Variants in KAT7 observed in about 807,000 individuals in gnomAD.
The protein encoded by KAT7 is histone acetyltransferase KAT7.
In KAT7, 10 loss-of-function variants were observed where a neutral mutation model predicts 82.1. That is an observed-to-expected ratio of 0.12 (90% confidence interval 0.08 to 0.21). KAT7 has a LOEUF of 0.21. KAT7 is among the 10% of genes least tolerant of loss of function. KAT7 has a pLI of 1.00. For missense variants in KAT7, 378 were observed against 760.9 expected (o/e 0.50, Z 5.92); for synonymous variants, 250 against 262.5 (o/e 0.95, Z 0.46).
intron 5 of KAT7, among the ~76,000 whole-genome samples, chr17:49,806,893 A>G (rs1050401279): frequency 6.6e-6 from 1 of 152,224 alleles, no homozygotes; most frequent in Non-Finnish European, 1.5e-5. Flanking sequence ...GAACATGTGC[A>G]TGGAGGATCA....
At position 49,829,481 on chromosome 17, in the gene KAT7, C is replaced by G. The variant is rs548561452; in HGVS notation, c.*1979C>G. 9 of 152,286 alleles carry G rather than the reference C, an allele frequency of 5.9e-5. No homozygotes were observed. Among genetic ancestry groups the G allele is most frequent in the African/African-American group, 1.9e-4 (8 of 41,558 alleles). The allele number at this position is 152,286 out of a possible 1,614,324, so 9.4% of individuals were successfully genotyped here. ...CCTGTAGGAGATGGGAACAGACATTCCTTCTCATCTCCAAGCTCATTCACC... is the reference window on the plus strand; with the variant it reads ...CCTGTAGGAGATGGGAACAGACATTGCTTCTCATCTCCAAGCTCATTCACC... On this transcript the variant is annotated 3_prime_UTR_variant, in exon 15 of 15. Transcript: ENST00000259021.
At chr17:49,791,530 C>T (rs1018646487) in intron 1 of KAT7, among the ~76,000 whole-genome samples, 25 of 152,232 alleles carry the variant, frequency 1.6e-4, no homozygotes, top group Middle Eastern at 3.4e-3. Flanking sequence ...TGGTGGCGGG[C>T]GCCTGTAGTC....
chr17:49,812,808 G>A lies in KAT7; in HGVS notation c.852+1234G>A, dbSNP rs376245564. On this transcript the variant is annotated intron_variant, in intron 7 of 14. Transcript: ENST00000259021. ...AACCTCTGCCTCCTGGGTTCAAGCA[G>A]TTCTCTGCCTCAGCCTCCCAAGTAG... 5.3e-4 allele frequency among the ~76,000 whole-genome samples: 81 copies of A among 151,860 alleles called. No individual in the cohort carries two copies. The East Asian group carries it at 0.015, about 28-fold the overall frequency.
At position 49,831,262 on chromosome 17, in the gene KAT7, T is replaced by A. The variant is rs1050930556; in HGVS notation, c.*3760T>A. On this transcript the variant is annotated 3_prime_UTR_variant, in exon 15 of 15. Transcript: ENST00000259021. ...CTGCACTCCAGCCTGGGTGACAGAG[T>A]GAGACCCTGTCTCAAAAACAAAAAA... 1 of 152,208 alleles carries A rather than the reference T, an allele frequency of 6.6e-6. No individual in the cohort carries two copies. Among genetic ancestry groups the A allele is most frequent in the Non-Finnish European group, 1.5e-5 (1 of 68,086 alleles). The allele number at this position is 152,208 out of a possible 1,614,324, so 9.4% of individuals were successfully genotyped here.
At chr17:49,789,206 T>G in intron 1 of KAT7, 2 of 202,628 alleles carry the variant, frequency 9.9e-6, no homozygotes, top group Non-Finnish European at 1.0e-5. Context: ...GCTCTCCCAC[T>G]GGCTGGAGAG....
chr17:49,814,938 A>G (rs1489178317), intron 7 of KAT7: 1 of 152,156 alleles, frequency 6.6e-6, no homozygotes, highest in Non-Finnish European at 1.5e-5. Context: ...ACTCCACTTA[A>G]CTACCATTAT....
chr17:49,825,755 T>C (rs2074361296), intron 12 of KAT7, among the ~76,000 whole-genome samples: 1 of 152,244 alleles, frequency 6.6e-6, no homozygotes, highest in Non-Finnish European at 1.5e-5. Context: ...ACTGGGAGTT[T>C]TGGAACACAT....
At chr17:49,798,707 A>G (rs905177645) in intron 4 of KAT7, 149 bp downstream of exon 4, 17 of 728,618 alleles carry the variant, frequency 2.3e-5, no homozygotes, top group African/African-American at 1.8e-4. Flanking sequence ...CACTTGAATA[A>G]AAGCATTTAT....
intron 2 of KAT7, among the ~76,000 whole-genome samples, chr17:49,793,571 T>A (rs1358894021): frequency 2.7e-5 from 4 of 150,808 alleles, no homozygotes; most frequent in African/African-American, 7.3e-5. Flanking sequence ...TTGCTTTGGT[T>A]AATTTTTTTT....
Position 49,831,670 on chromosome 17 carries a change from T to TC in KAT7, c.*4168_*4169insC, listed in dbSNP as rs1365293145. The TC allele has an allele frequency of 1.3e-5, 2 of 152,166 alleles. No individual in the cohort carries two copies. The highest frequency in any genetic ancestry group is 2.9e-5 in the Non-Finnish European group (2 of 68,054). The allele number at this position is 152,166 out of a possible 1,614,324, so 9.4% of individuals were successfully genotyped here. ...GGATAATGAGTCATATTAAGTAATT[T>TC]TTTTTTTTGAGACGGAGTTTCGTTC... On this transcript the variant is annotated 3_prime_UTR_variant, in exon 15 of 15. Coordinates refer to ENST00000259021, the MANE Select transcript of KAT7 (RefSeq NM_007067.5).
chr17:49,809,135 G>T lies in KAT7; in HGVS notation c.680G>T (p.Arg227Leu). 1 of 1,614,012 alleles carries T rather than the reference G, an allele frequency of 6.2e-7. No homozygotes were observed. The highest frequency in any genetic ancestry group is 1.7e-5 in the Admixed American group (1 of 60,008). Residue 227 changes from arginine to leucine, a missense_variant, in exon 6 of 15, where the codon CGG becomes CTG. Arg to Leu is a moderately radical substitution (Grantham distance 102). This residue lies in a region of KAT7 where 102 missense variants were observed against 129.8 expected (regional missense o/e 0.79). Transcript: ENST00000259021. ...TGGTTGCAGGTGAGAGCACAGAGCC[G>T]GGATAAGCAGATAGAAGAAAGGATG... is the stretch of plus-strand genomic sequence containing the variant. Reference protein sequence around the residue: ...ADECKVRAQSRDKQIEERMLS... With the variant: ...ADECKVRAQSLDKQIEERMLS...
chr17:49,826,634 G>C (rs1387399242), intron 13 of KAT7, 59 bp from the exon 14 acceptor site: 4 of 1,104,570 alleles, frequency 3.6e-6, no homozygotes, highest in Non-Finnish European at 5.5e-6. Flanking sequence ...ACCTTGGTTG[G>C]GGGCAAAGGG....
rs966433610 is a variant in KAT7, at chr17:49,831,861, G to C, written c.*4359G>C. ...ATTTTTAGTAGAATGAGGTTTCACC[G>C]TGTTAGCCAGGATGATCTCGATCTC... On this transcript the variant is annotated 3_prime_UTR_variant, in exon 15 of 15. Coordinates refer to ENST00000259021, the MANE Select transcript of KAT7 (RefSeq NM_007067.5). The C allele has an allele frequency of 6.6e-6, 1 of 150,834 alleles. No homozygotes were observed. The highest frequency in any genetic ancestry group is 6.6e-5 in the Admixed American group (1 of 15,098). 9.3% of individuals were successfully genotyped at this position (150,834 alleles called of 1,614,324 possible). A position where few individuals can be genotyped will look rare whatever the true frequency, so the allele number is the denominator to read the frequency against.
chr17:49,816,008 T>G (rs2074229446), intron 8 of KAT7, 95 bp downstream of exon 8: 1 of 699,960 alleles, frequency 1.4e-6, no homozygotes, highest in African/African-American at 1.8e-5. Context: ...GGGAATTAAA[T>G]GTACCTTGCT....
chr17:49,823,500 T>TTAATGAGTAGGAGGTA, intron 12 of KAT7: 1 of 504,974 alleles, frequency 2.0e-6, no homozygotes. Flanking sequence ...GGACTCCTCC[T>TTAATGAGTAGGAGGTA]TAATGAGTAG....
intron 1 of KAT7, chr17:49,789,476 G>C (rs949748864): frequency 3.5e-5 from 3 of 84,944 alleles, no homozygotes; most frequent in Non-Finnish European, 7.6e-5. Context: ...TTGCTAGTTC[G>C]ACAGCGCCTA....
rs1010801160 is a variant in KAT7, at chr17:49,833,528, A to G, written c.*6026A>G. 6.6e-6 allele frequency: 1 copy of G among 152,214 alleles called. No homozygotes were observed. Among genetic ancestry groups the G allele is most frequent in the African/African-American group, 2.4e-5 (1 of 41,456 alleles). 9.4% of individuals were successfully genotyped at this position (152,214 alleles called of 1,614,324 possible). A position where few individuals can be genotyped will look rare whatever the true frequency, so the allele number is the denominator to read the frequency against. Reference sequence around the variant, plus strand: ...TGTGACTTGTTTTGACTAATAGGATATGGAAGTGATATTTTGGCAGCTTCC... The same window carrying G: ...TGTGACTTGTTTTGACTAATAGGATGTGGAAGTGATATTTTGGCAGCTTCC... On this transcript the variant is annotated 3_prime_UTR_variant, in exon 15 of 15. Transcript: ENST00000259021.
In KAT7 at chr17:49,820,461, T is replaced by A. The variant is rs145809309; in HGVS notation, c.1156-876T>A. Among the ~76,000 whole-genome samples, 6 of 152,206 alleles carry A rather than the reference T, an allele frequency of 3.9e-5. 1 individual carries two copies. The highest frequency in any genetic ancestry group is 1.2e-4 in the African/African-American group (5 of 41,508). On this transcript the variant is annotated intron_variant, in intron 9 of 14. Coordinates refer to ENST00000259021, the MANE Select transcript of KAT7 (RefSeq NM_007067.5). The stretch of plus-strand genomic sequence containing the variant: ...ACCTGGCTAATATTTGTATTTTTAG[T>A]AGAGACGGGGTTTCACCATGTTGGC...
Position 49,798,414 on chromosome 17 carries a change from A to G in KAT7, c.436A>G (p.Asn146Asp). The change falls in exon 4 of 15, where the codon AAT (asparagine) becomes GAT (aspartate). Residue 146 changes from asparagine (N) to aspartate (D), a missense_variant. Around this residue, in one of 6 missense-constraint regions of KAT7, gnomAD observed 161 missense variants for 229.6 expected, o/e 0.70. Transcript: ENST00000259021. ...SESDIDISSP[N>D]VSHDESIAKD... ...GTCTGACATAGACATCTCCAGCCCC[A>G]ATGTATCTCACGATGAGAGCATTGC... The G allele has an allele frequency of 1.2e-6, 2 of 1,614,178 alleles. No individual in the cohort carries two copies. Among genetic ancestry groups the G allele is most frequent in the Non-Finnish European group, 1.7e-6 (2 of 1,180,024 alleles).
Sources: gnomAD v4.1 joint callset for allele counts (sites outside exome capture counted in the v4.1 genomes callset) on GRCh38, gnomAD v4.1.1 for gene constraint, gnomAD v4.1.1 regional missense constraint, MANE v1.5 for transcripts, NCBI Gene and HGNC (gene_info 2026-07-23, HGNC 2026-07-21) for gene names.